DLC1: variants seen among roughly 807,000 people sequenced by gnomAD.
DLC1 encodes the protein DLC1 Rho GTPase activating protein.
Under a neutral mutation model 140.3 loss-of-function variants are expected in DLC1, and 54 were observed. The observed-to-expected ratio is 0.38, with a 90% CI of 0.31 to 0.48. The LOEUF (loss-of-function observed/expected upper bound fraction) is 0.48. DLC1 is among the 20% of genes least tolerant of loss of function. DLC1 has a pLI of 0.96. For missense variants in DLC1, 2,536 were observed against 1,907.0 expected, an observed-to-expected ratio of 1.33 and a Z score of -6.14; for synonymous variants, 986 against 728.1, an observed-to-expected ratio of 1.35 and a Z score of -5.70.
intron 5 of DLC1, 42 bp from the exon 6 acceptor site, chr8:13,115,699 C>T: frequency 6.3e-7 from 1 of 1,579,698 alleles, no homozygotes; most frequent in Non-Finnish European, 8.7e-7. Flanking sequence ...CCATGTGTAC[C>T]TCGCCATGCT....
At chr8:13,303,809 A>G (rs891622066) in intron 5 of DLC1, among the ~76,000 whole-genome samples, 1 of 152,196 alleles carries the variant, frequency 6.6e-6, no homozygotes, top group African/African-American at 2.4e-5. Context: ...CTCAAAAAAA[A>G]ATATTAAAAA....
At chr8:13,501,873 T>C (rs894733163) in intron 1 of DLC1, among the ~76,000 whole-genome samples, 3 of 152,240 alleles carry the variant, frequency 2.0e-5, no homozygotes, top group South Asian at 4.1e-4. Context: ...AAAGAACACA[T>C]AGATGCAAGC....
At chr8:13,100,797 C>A (rs748874990) in intron 8 of DLC1, 27 bp from the exon 9 acceptor site, 1 of 1,528,590 alleles carries the variant, frequency 6.5e-7, no homozygotes, top group East Asian at 2.3e-5. Context: ...GAGCCATTCA[C>A]ACACTGGGGC....
At chr8:13,133,323 G>C in intron 5 of DLC1, 1 of 1,184,526 alleles carries the variant, frequency 8.4e-7, no homozygotes, top group Non-Finnish European at 1.0e-6. Flanking sequence ...GGGCCCTCCC[G>C]CTGGGCCCAC....
intron 5 of DLC1, among the ~76,000 whole-genome samples, chr8:13,137,314 A>T (rs1822643771): frequency 6.6e-6 from 1 of 152,120 alleles, no homozygotes; most frequent in African/African-American, 2.4e-5. Context: ...GTTAGAAGGG[A>T]TTTTTTAGCT....
chr8:13,270,280 T>C (rs1040573931), intron 5 of DLC1, among the ~76,000 whole-genome samples: 2 of 152,180 alleles, frequency 1.3e-5, no homozygotes, highest in African/African-American at 4.8e-5. Context: ...TACAGTGGCC[T>C]TTGGTAAAAT....
intron 4 of DLC1, among the ~76,000 whole-genome samples, chr8:13,332,004 G>C (rs1289120289): frequency 1.3e-5 from 2 of 152,146 alleles, no homozygotes; most frequent in African/African-American, 4.8e-5. Context: ...TTAGGTTGAT[G>C]TCAGCTTCCA....
chr8:13,109,516 C>G (rs989748791), intron 7 of DLC1, among the ~76,000 whole-genome samples: 1 of 151,832 alleles, frequency 6.6e-6, no homozygotes, highest in Non-Finnish European at 1.5e-5. Flanking sequence ...ATGATTGTGC[C>G]ACTGCACTCC....
intron 4 of DLC1, among the ~76,000 whole-genome samples, chr8:13,330,278 C>T (rs1334621552): frequency 6.6e-6 from 1 of 152,080 alleles, no homozygotes. Context: ...AAAATAAGAC[C>T]GATTTTTTGC....
chr8:13,441,016 T>A (rs527598707), intron 2 of DLC1, among the ~76,000 whole-genome samples: 2 of 152,298 alleles, frequency 1.3e-5, no homozygotes, highest in South Asian at 4.1e-4. Context: ...AATAATGATA[T>A]GTGATTTTAA....
At position 13,453,541 on chromosome 8, in the gene DLC1, T is replaced by C. The variant is rs1277219025; in HGVS notation, c.1023+45508A>G. 2.6e-4 allele frequency among the ~76,000 whole-genome samples: 11 copies of C among 41,750 alleles called. No homozygotes were observed. The East Asian group carries it at 5.4e-3, about 20-fold the overall frequency. 27.4% of individuals were successfully genotyped at this position (41,750 alleles called of 152,430 possible). A position where few individuals can be genotyped will look rare whatever the true frequency, so the allele number is the denominator to read the frequency against. On this transcript the variant is annotated intron_variant, in intron 2 of 17. Coordinates refer to ENST00000276297, the MANE Select transcript of DLC1 (RefSeq NM_182643.3). ...ATATATATATATGTATATATATACA[T>C]ATATATATATATATATTTTTTTTTT... is the stretch of plus-strand genomic sequence containing the variant.
Position 13,556,476 on chromosome 8 carries a change from C to G in DLC1, c.-126+48061G>C, listed in dbSNP as rs1028436157. 2.0e-5 allele frequency among the ~76,000 whole-genome samples: 3 copies of G among 152,284 alleles called. 1 individual carries two copies. Among genetic ancestry groups the G allele is most frequent in the Middle Eastern group, 6.8e-3 (2 of 294 alleles). On this transcript the variant is annotated intron_variant, in intron 1 of 1. Transcript: ENST00000631382. ...TCTAATGTATAGCAAAATTTGAATA[C>G]CCGGCAGGGGGTCCAGACAAGGTGC...
chr8:13,087,392 C>T (rs540821141), intron 16 of DLC1, among the ~76,000 whole-genome samples: 65 of 152,330 alleles, frequency 4.3e-4, no homozygotes, highest in Non-Finnish European at 7.3e-5. Flanking sequence ...CAGAATGAAA[C>T]CATGTCCCCA....
At chr8:13,492,471 T>A (rs1801299217) in intron 2 of DLC1, among the ~76,000 whole-genome samples, 1 of 39,608 alleles carries the variant, frequency 2.5e-5, no homozygotes, top group African/African-American at 5.6e-5. Flanking sequence ...TTTTAGCCTG[T>A]CCTTTTTTTT....
intron 5 of DLC1, among the ~76,000 whole-genome samples, chr8:13,226,151 C>T (rs12678451): frequency 1.8e-4 from 28 of 152,284 alleles, no homozygotes; most frequent in African/African-American, 6.7e-4. Context: ...TGAGCTCAAA[C>T]AATCCTCCCA....
At chr8:13,373,955 A>G (rs1214071542) in intron 4 of DLC1, among the ~76,000 whole-genome samples, 29 of 152,200 alleles carry the variant, frequency 1.9e-4, no homozygotes, top group Non-Finnish European at 2.1e-4. Context: ...AATTTGGCAT[A>G]ATTTCCAGAT....
chr8:13,564,877 C>T (rs1326415493), intron 1 of DLC1, among the ~76,000 whole-genome samples: 1 of 152,164 alleles, frequency 6.6e-6, no homozygotes, highest in Non-Finnish European at 1.5e-5. Context: ...TGACTGGACT[C>T]TCTTTTCTAT....
chr8:13,487,259 A>T (rs1801009916), intron 2 of DLC1, among the ~76,000 whole-genome samples: 1 of 152,310 alleles, frequency 6.6e-6, no homozygotes, highest in East Asian at 1.9e-4. Context: ...AAATGAATGG[A>T]CATCCATAAT....
rs539005991 is a variant in DLC1 at position 13,123,547 on chromosome 8, C to T, written c.1349-7890G>A. ...TTTTTAAGTAAACACATGGTTTCACCGTGGTGGTCAGGCTGGTTTCGAATT... is the reference window on the plus strand; with the variant it reads ...TTTTTAAGTAAACACATGGTTTCACTGTGGTGGTCAGGCTGGTTTCGAATT... On this transcript the variant is annotated intron_variant, in intron 5 of 17. Coordinates refer to ENST00000276297, the MANE Select transcript of DLC1 (RefSeq NM_182643.3). Among the ~76,000 whole-genome samples, 5 of 150,652 alleles carry T rather than the reference C, an allele frequency of 3.3e-5. No individual in the cohort carries two copies. In the South Asian group the frequency reaches 8.4e-4, roughly 25 times the overall value.
Sources: gnomAD v4.1 joint callset for allele counts (sites outside exome capture counted in the v4.1 genomes callset) on GRCh38, gnomAD v4.1.1 for gene constraint, MANE v1.5 for transcripts, NCBI Gene and HGNC (gene_info 2026-07-23, HGNC 2026-07-21) for gene names.